The following MTIF3 variants were observed in gnomAD, a reference collection of about 807,000 sequenced individuals.
The protein encoded by MTIF3 is mitochondrial translational initiation factor 3, also known as translation initiation factor IF-3, mitochondrial.
In MTIF3, 13 loss-of-function variants were observed where a neutral mutation model predicts 20.7. That is an observed-to-expected ratio of 0.63 (90% CI 0.41 to 1.00). The LOEUF is 1.00. Among genes scored for constraint, MTIF3 ranks in the 50% least tolerant of loss-of-function variants. MTIF3 has a pLI of 0.00. For missense variants in MTIF3, 295 were observed against 324.5 expected, an observed-to-expected ratio of 0.91 and a Z score of 0.70; for synonymous variants, 114 against 112.5, an observed-to-expected ratio of 1.01 and a Z score of -0.08.
chr13:27,443,382 A>T (rs1358614177), intron 2 of MTIF3, among the ~76,000 whole-genome samples: 1 of 152,212 alleles, frequency 6.6e-6, no homozygotes, highest in Non-Finnish European at 1.5e-5. Context: ...CACTTATCAG[A>T]AAACTAGCAG....
chr13:27,445,248 G>C (rs1593199395), intron 1 of MTIF3, 92 bp from the exon 2 acceptor site: 1 of 152,212 alleles, frequency 6.6e-6, no homozygotes, highest in African/African-American at 2.4e-5. Flanking sequence ...GGGAGGCCAA[G>C]GCGAGAGGAT....
At chr13:27,438,113 G>A (rs1299704927) in intron 3 of MTIF3, among the ~76,000 whole-genome samples, 1 of 152,118 alleles carries the variant, frequency 6.6e-6, no homozygotes, top group East Asian at 1.9e-4. Flanking sequence ...GAGGGAGGAG[G>A]TAGAGAAACT....
In MTIF3 at chr13:27,435,741, G is replaced by C; in HGVS notation, c.771C>G (p.Thr257=). The change falls in exon 5 of 5, where the codon ACC becomes ACG. Residue 257 remains threonine (T), a synonymous_variant. Transcript: ENST00000381120. ...CTTTGTTCAAAGTGTCTCTTTCCTG[G>C]GTCTCTTGAGTTTCTTTATATGCCT... ...EEKAYKETQE[T]QERDTLNKDH... 6.2e-7 allele frequency: 1 copy of C among 1,613,882 alleles called. No homozygotes were observed. Among genetic ancestry groups the C allele is most frequent in the South Asian group, 1.1e-5 (1 of 91,066 alleles).
chr13:27,448,525 C>T (rs985559037), intron 1 of MTIF3, among the ~76,000 whole-genome samples: 12 of 152,184 alleles, frequency 7.9e-5, no homozygotes, highest in Admixed American at 6.5e-4. Flanking sequence ...GCTCCCCTCC[C>T]TTGGCTCTGG....
chr13:27,444,261 C>A (rs927269307), intron 2 of MTIF3, among the ~76,000 whole-genome samples: 1 of 151,688 alleles, frequency 6.6e-6, no homozygotes, highest in Admixed American at 6.6e-5. Flanking sequence ...AGCGAGATTG[C>A]GCCACTGCAC....
At chr13:27,450,143 T>C (rs1052125845) in intron 1 of MTIF3, 8 of 151,078 alleles carry the variant, frequency 5.3e-5, no homozygotes, top group African/African-American at 2.0e-4. Flanking sequence ...GACGCCCACC[T>C]GCAGAACGGG....
chr13:27,450,374 C>T (rs1954328614), intron 1 of MTIF3, 135 bp downstream of exon 1: 1 of 152,302 alleles, frequency 6.6e-6, no homozygotes, highest in Non-Finnish European at 1.5e-5. Context: ...CCTGCGGAGC[C>T]TCTCCGCCCT....
intron 3 of MTIF3, among the ~76,000 whole-genome samples, chr13:27,438,615 C>T (rs1010918540): frequency 6.6e-6 from 1 of 151,720 alleles, no homozygotes; most frequent in Non-Finnish European, 1.5e-5. Flanking sequence ...CCCACCTCAG[C>T]CTCCCAAGTA....
intron 1 of MTIF3, among the ~76,000 whole-genome samples, chr13:27,449,056 A>AT (rs59480766): frequency 2.0e-5 from 3 of 151,926 alleles, no homozygotes; most frequent in East Asian, 3.9e-4. Flanking sequence ...CTCAAAAAAA[A>AT]TTTTTTTTTA....
chr13:27,441,847 G>A (rs1954012074), intron 2 of MTIF3, among the ~76,000 whole-genome samples: 2 of 152,168 alleles, frequency 1.3e-5, no homozygotes, highest in South Asian at 4.1e-4. Context: ...AAAACTGGAA[G>A]TTCCCTCTGG....
chr13:27,436,292 GA>G (rs1953742034), intron 4 of MTIF3, among the ~76,000 whole-genome samples: 1 of 151,974 alleles, frequency 6.6e-6, no homozygotes, highest in Admixed American at 6.6e-5. Context: ...GAAACAAATG[GA>G]TACCTGGGCT....
intron 4 of MTIF3, among the ~76,000 whole-genome samples, 160 bp from the exon 5 acceptor site, chr13:27,436,053 A>G (rs56101631): frequency 0.066 from 10,101 of 152,258 alleles, 1,064 homozygotes; most frequent in East Asian, 0.46. Context: ...GTTGACTGAA[A>G]TCTGTACAAT....
At chr13:27,437,018 T>G in intron 4 of MTIF3, 98 bp downstream of exon 4, 1 of 1,290,802 alleles carries the variant, frequency 7.7e-7, no homozygotes, top group Non-Finnish European at 1.1e-6. Context: ...CCCAAAATGC[T>G]GGGATTACAG....
chr13:27,437,082 A>G, intron 4 of MTIF3, 34 bp downstream of exon 4: 1 of 1,600,044 alleles, frequency 6.2e-7, no homozygotes, highest in Non-Finnish European at 8.5e-7. Context: ...GAAGACCCAA[A>G]GCACAAGCAG....
intron 3 of MTIF3, among the ~76,000 whole-genome samples, chr13:27,438,798 C>T (rs1953889569): frequency 6.8e-6 from 1 of 146,860 alleles, no homozygotes; most frequent in Non-Finnish European, 1.5e-5. Context: ...GCCCAGTGAC[C>T]TTTTTTTTTT....
Position 27,435,711 on chromosome 13 carries a change from A to G in MTIF3, c.801T>C (p.His267=), listed in dbSNP as rs1953713635. The change falls in exon 5 of 5, where the codon CAT becomes CAC. Residue 267 remains histidine, a synonymous_variant. Transcript: ENST00000381120. ...GAACATTTGATTCCTTATCATTTCC[A>G]TGGTCTTTGTTCAAAGTGTCTCTTT... The part of the protein sequence containing the change: ...TQERDTLNKD[H]GNDKESNVLH... The G allele has an allele frequency of 6.2e-7, 1 of 1,614,106 alleles. No homozygotes were observed. The highest frequency in any genetic ancestry group is 8.5e-7 in the Non-Finnish European group (1 of 1,179,994).
chr13:27,440,568 A>C (rs959084462), intron 2 of MTIF3, 119 bp from the exon 3 acceptor site: 14 of 747,244 alleles, frequency 1.9e-5, no homozygotes, highest in Non-Finnish European at 3.0e-5. Flanking sequence ...AGTGTGAGGG[A>C]AATGCTGTTC....
intron 1 of MTIF3, among the ~76,000 whole-genome samples, chr13:27,446,913 T>G (rs551498020): frequency 2.6e-4 from 39 of 152,250 alleles, no homozygotes; most frequent in African/African-American, 7.9e-4. Flanking sequence ...GATGGTGCAC[T>G]AAAATCTCAG....
intron 3 of MTIF3, 89 bp downstream of exon 3, chr13:27,439,900 T>TTGTC: frequency 8.7e-7 from 1 of 1,153,808 alleles, no homozygotes; most frequent in South Asian, 1.5e-5. Flanking sequence ...CATTTCCCTC[T>TTGTC]TGTCACAGGC....
Sources: gnomAD v4.1 joint callset for allele counts (sites outside exome capture counted in the v4.1 genomes callset) on GRCh38, gnomAD v4.1.1 for gene constraint, MANE v1.5 for transcripts, NCBI Gene and HGNC (gene_info 2026-07-23, HGNC 2026-07-21) for gene names.